EPHA5: variants seen among roughly 807,000 people sequenced by gnomAD.
The protein encoded by EPHA5 is ephrin type-A receptor 5.
Under a neutral mutation model 105.0 loss-of-function variants are expected in EPHA5, and 60 were observed. That is an observed-to-expected ratio of 0.57 (90% CI 0.46 to 0.71). EPHA5 has a LOEUF of 0.71. Among genes scored for constraint, EPHA5 ranks in the 30% least tolerant of loss-of-function variants. EPHA5 has a pLI of 0.00. For synonymous variants in EPHA5, 513 were observed against 449.1 expected (o/e 1.14, Z -1.80); for missense variants, 1,218 against 1,274.7 (o/e 0.96, Z 0.68).
At position 65,480,244 on chromosome 4, in the gene EPHA5, T is replaced by C. The variant is rs530550754; in HGVS notation, c.1402+10133A>G. Among the ~76,000 whole-genome samples, 4 of 152,316 alleles carry C rather than the reference T, an allele frequency of 2.6e-5. No individual in the cohort carries two copies. In the South Asian group the frequency reaches 8.3e-4, roughly 32 times the overall value. ...TCATTTAATAAATTATAGGTAGAAATTTTCATTCAAATTTGAATAAGTATG... is the reference window on the plus strand; with the variant it reads ...TCATTTAATAAATTATAGGTAGAAACTTTCATTCAAATTTGAATAAGTATG... On this transcript the variant is annotated intron_variant, in intron 5 of 16. Transcript: ENST00000613740.
At chr4:65,434,573 G>GT (rs1034289719) in intron 5 of EPHA5, among the ~76,000 whole-genome samples, 6 of 151,724 alleles carry the variant, frequency 4.0e-5, no homozygotes, top group Admixed American at 1.3e-4. Context: ...TTTATGGAAG[G>GT]TTTTTTTTGG....
At chr4:65,416,536 T>C (rs148932039) in intron 6 of EPHA5, among the ~76,000 whole-genome samples, 53 of 152,226 alleles carry the variant, frequency 3.5e-4, no homozygotes, top group African/African-American at 1.3e-3. Context: ...TTGTAAACAC[T>C]AACTACTGAA....
chr4:65,516,204 A>G (rs1435552051), intron 3 of EPHA5, among the ~76,000 whole-genome samples: 1 of 152,190 alleles, frequency 6.6e-6, no homozygotes. Context: ...CTAACAGTCT[A>G]CTGTTCACTG....
At chr4:65,665,513 A>T (rs1749892874) in intron 1 of EPHA5, among the ~76,000 whole-genome samples, 1 of 152,148 alleles carries the variant, frequency 6.6e-6, no homozygotes, top group Non-Finnish European at 1.5e-5. Context: ...AATAATATCA[A>T]TATGTTATAG....
intron 3 of EPHA5, among the ~76,000 whole-genome samples, chr4:65,584,883 C>CT (rs1178166540): frequency 2.0e-5 from 3 of 151,810 alleles, no homozygotes; most frequent in Non-Finnish European, 2.9e-5. Flanking sequence ...ATACAGCCTT[C>CT]TTTTTTCTTT....
At chr4:65,490,356 T>C (rs770546140) in intron 5 of EPHA5, 21 bp downstream of exon 5, 2 of 1,603,088 alleles carry the variant, frequency 1.2e-6, no homozygotes, top group Non-Finnish European at 8.5e-7. Flanking sequence ...CATACACAAT[T>C]GGGTTGGGCA....
chr4:65,485,351 G>A (rs1730779716), intron 5 of EPHA5, among the ~76,000 whole-genome samples: 1 of 150,902 alleles, frequency 6.6e-6, no homozygotes, highest in African/African-American at 2.4e-5. Context: ...TTTTACATTT[G>A]CTTATTTTTC....
chr4:65,481,387 G>A (rs1730349956), intron 5 of EPHA5, among the ~76,000 whole-genome samples: 1 of 152,140 alleles, frequency 6.6e-6, no homozygotes, highest in Admixed American at 6.5e-5. Flanking sequence ...TAAATCATGA[G>A]CATTGGAATA....
chr4:65,439,506 A>G (rs776332463), intron 5 of EPHA5, among the ~76,000 whole-genome samples: 6 of 146,550 alleles, frequency 4.1e-5, no homozygotes, highest in South Asian at 2.1e-4. Context: ...AAAACTCTTT[A>G]TAGTCCAAGA....
chr4:65,444,481 G>T (rs567760394), intron 5 of EPHA5, among the ~76,000 whole-genome samples: 8 of 152,230 alleles, frequency 5.3e-5, no homozygotes, highest in Admixed American at 2.6e-4. Context: ...ACTGATAGAA[G>T]AATTTTTATA....
intron 3 of EPHA5, among the ~76,000 whole-genome samples, chr4:65,514,420 G>T (rs1289805341): frequency 1.3e-5 from 2 of 152,136 alleles, no homozygotes; most frequent in African/African-American, 4.8e-5. Flanking sequence ...AGATACTCAA[G>T]AGGCCACATG....
At chr4:65,328,216 C>G (rs1412566514) in intron 16 of EPHA5, among the ~76,000 whole-genome samples, 2 of 151,188 alleles carry the variant, frequency 1.3e-5, no homozygotes, top group Middle Eastern at 3.4e-3. Flanking sequence ...AGCATTGTTA[C>G]ATAAACATAG....
chr4:65,327,405 C>T (rs1720185410), intron 16 of EPHA5, among the ~76,000 whole-genome samples: 2 of 151,176 alleles, frequency 1.3e-5, no homozygotes, highest in South Asian at 4.1e-4. Context: ...TTACTTCTCT[C>T]TTGCCTTTCC....
chr4:65,376,083 T>C (rs1458231837), intron 8 of EPHA5, among the ~76,000 whole-genome samples: 4 of 152,016 alleles, frequency 2.6e-5, no homozygotes, highest in Non-Finnish European at 5.9e-5. Flanking sequence ...TGCACATCTG[T>C]ATACACTCAT....
intron 11 of EPHA5, among the ~76,000 whole-genome samples, 165 bp from the exon 12 acceptor site, chr4:65,353,268 T>G (rs1723002363): frequency 8.1e-6 from 1 of 123,866 alleles, no homozygotes; most frequent in Admixed American, 8.7e-5. Context: ...AAATGAAAGA[T>G]ATTTAAATAT....
intron 5 of EPHA5, among the ~76,000 whole-genome samples, chr4:65,465,466 AAAAAGAAAG>A (rs1560566844): frequency 1.4e-3 from 23 of 16,228 alleles, no homozygotes; most frequent in African/African-American, 3.0e-3. Context: ...GAAAAGAAAG[AAAAAGAAAG>A]AAAGAAAGAA....
intron 1 of EPHA5, among the ~76,000 whole-genome samples, chr4:65,660,762 T>A (rs1389354627): frequency 1.3e-5 from 2 of 151,998 alleles, no homozygotes; most frequent in Admixed American, 6.6e-5. Context: ...ATAATTATCA[T>A]GAAGTTAATA....
In EPHA5 at chr4:65,524,010, CG is replaced by C. The variant is rs545517547; in HGVS notation, c.911-28468del. On this transcript the variant is annotated intron_variant, in intron 3 of 16. Transcript: ENST00000613740. ...AATTCAAAACAATGAACTAGAAGAACGACTTGGTCTCTCCTTCCAAGCAGTT... is the reference window on the plus strand; with the variant it reads ...AATTCAAAACAATGAACTAGAAGAACACTTGGTCTCTCCTTCCAAGCAGTT... Among the ~76,000 whole-genome samples, 4 of 151,960 alleles carry C rather than the reference CG, an allele frequency of 2.6e-5. No individual in the cohort carries two copies. The South Asian group carries it at 8.3e-4, about 31-fold the overall frequency.
chr4:65,591,907 A>G (rs1044617766), intron 3 of EPHA5, among the ~76,000 whole-genome samples: 2 of 152,186 alleles, frequency 1.3e-5, no homozygotes, highest in African/African-American at 4.8e-5. Context: ...AATGAAACGT[A>G]TCTTTTAAAA....
Sources: gnomAD v4.1 joint callset for allele counts (sites outside exome capture counted in the v4.1 genomes callset) on GRCh38, gnomAD v4.1.1 for gene constraint, MANE v1.5 for transcripts, NCBI Gene and HGNC (gene_info 2026-07-23, HGNC 2026-07-21) for gene names.